IL1RAPL1: variants seen among roughly 807,000 people sequenced by gnomAD.
The protein encoded by IL1RAPL1 is interleukin 1 receptor accessory protein like 1, also known as interleukin-1 receptor accessory protein-like 1.
Under a neutral mutation model 48.4 loss-of-function variants are expected in IL1RAPL1, and 3 were observed. The ratio of observed to expected loss-of-function variants is 0.06; its 90% confidence interval spans 0.03 to 0.16. The LOEUF (loss-of-function observed/expected upper bound fraction) is 0.16. Among genes scored for constraint, IL1RAPL1 ranks in the 10% least tolerant of loss-of-function variants. The probability of loss-of-function intolerance (pLI) is 1.00; values close to 1 mark genes in which losing one functional copy is unlikely to be tolerated. For synonymous variants in IL1RAPL1, 185 were observed against 187.7 expected (o/e 0.99, Z 0.12); for missense variants, 349 against 530.6 (o/e 0.66, Z 3.36).
chrX:29,644,509 C>T (rs1366933429), intron 5 of IL1RAPL1, among the ~76,000 whole-genome samples: 5 of 111,041 alleles, frequency 4.5e-5, no homozygotes, highest in African/African-American at 1.6e-4. Flanking sequence ...TCCAGGACTA[C>T]ATGGCTAATC....
Position 29,730,291 on chromosome X carries a change from G to T in IL1RAPL1, c.778+61787G>T, listed in dbSNP as rs1018184498. Among the ~76,000 whole-genome samples the T allele has an allele frequency of 2.7e-5, 3 of 112,209 alleles. No individual in the cohort carries two copies. In the Admixed American group the frequency reaches 2.8e-4, roughly 11 times the overall value. On this transcript the variant is annotated intron_variant, in intron 6 of 10. Transcript: ENST00000378993. ...TATTTAGCCTTCCTCAGAGACATCTGGCATTTGTCTTCCATTTCCTTTCTG... is the reference window on the plus strand; with the variant it reads ...TATTTAGCCTTCCTCAGAGACATCTTGCATTTGTCTTCCATTTCCTTTCTG...
intron 2 of IL1RAPL1, among the ~76,000 whole-genome samples, chrX:29,237,532 T>G (rs1324081507): frequency 8.9e-6 from 1 of 112,703 alleles, no homozygotes; most frequent in Non-Finnish European, 1.9e-5. Flanking sequence ...GTAGTTTTTA[T>G]TAATGTATAT....
chrX:29,950,255 A>T (rs186173762), intron 9 of IL1RAPL1, among the ~76,000 whole-genome samples: 6 of 112,627 alleles, frequency 5.3e-5, no homozygotes, highest in African/African-American at 1.6e-4. Context: ...TGGTTATTTC[A>T]TATATTAGTC....
intron 2 of IL1RAPL1, among the ~76,000 whole-genome samples, chrX:28,897,873 C>G (rs1479211880): frequency 1.8e-5 from 2 of 111,086 alleles, no homozygotes; most frequent in Admixed American, 1.9e-4. Flanking sequence ...AGGAAAATTA[C>G]AGTCAAAGGG....
chrX:29,132,857 G>C (rs753491299), intron 2 of IL1RAPL1, among the ~76,000 whole-genome samples: 1 of 110,623 alleles, frequency 9.0e-6, no homozygotes, highest in Non-Finnish European at 1.9e-5. Flanking sequence ...GCATTTACTC[G>C]TTGGCTTTTT....
At chrX:29,832,838 A>T (rs1930912963) in intron 6 of IL1RAPL1, among the ~76,000 whole-genome samples, 1 of 109,828 alleles carries the variant, frequency 9.1e-6, no homozygotes, top group African/African-American at 3.3e-5. Context: ...CCTGTAATAA[A>T]TATCTGTTGG....
chrX:29,871,019 T>C (rs1370626484), intron 6 of IL1RAPL1, among the ~76,000 whole-genome samples: 2 of 112,521 alleles, frequency 1.8e-5, no homozygotes, highest in African/African-American at 6.5e-5. Flanking sequence ...TCAACAGGGC[T>C]GAATTCCTTT....
At chrX:29,232,483 T>TA (rs1931219417) in intron 2 of IL1RAPL1, among the ~76,000 whole-genome samples, 3 of 112,430 alleles carry the variant, frequency 2.7e-5, no homozygotes, top group Non-Finnish European at 3.8e-5. Flanking sequence ...CTATTTTTTA[T>TA]ATACTCTGGA....
At chrX:29,852,650 C>A (rs1931393704) in intron 6 of IL1RAPL1, among the ~76,000 whole-genome samples, 1 of 111,939 alleles carries the variant, frequency 8.9e-6, no homozygotes, top group Admixed American at 9.5e-5. Context: ...AACTCATCAG[C>A]AACTATCTAT....
At chrX:29,471,955 T>C (rs1244807152) in intron 5 of IL1RAPL1, among the ~76,000 whole-genome samples, 3 of 111,594 alleles carry the variant, frequency 2.7e-5, no homozygotes, top group Non-Finnish European at 5.6e-5. Flanking sequence ...TGATGGAAAT[T>C]TACAATTGCT....
At chrX:28,981,131 A>G (rs1245817878) in intron 2 of IL1RAPL1, among the ~76,000 whole-genome samples, 2 of 91,491 alleles carry the variant, frequency 2.2e-5, no homozygotes, top group African/African-American at 8.2e-5. Flanking sequence ...AAAAAAAAGG[A>G]AAGAAAGAAA....
At chrX:29,633,712 C>T (rs1924871022) in intron 5 of IL1RAPL1, among the ~76,000 whole-genome samples, 1 of 111,154 alleles carries the variant, frequency 9.0e-6, no homozygotes, top group South Asian at 3.8e-4. Flanking sequence ...TGCCTGTATT[C>T]CTAGCGTCTA....
At chrX:29,393,372 C>T (rs1207291525) in intron 3 of IL1RAPL1, among the ~76,000 whole-genome samples, 10 of 111,971 alleles carry the variant, frequency 8.9e-5, no homozygotes, top group Admixed American at 2.8e-4. Flanking sequence ...CCGCCCGCCT[C>T]GGCCTCCCAA....
chrX:28,815,285 G>A (rs974164489), intron 2 of IL1RAPL1, among the ~76,000 whole-genome samples: 5 of 110,105 alleles, frequency 4.5e-5, no homozygotes, highest in African/African-American at 6.6e-5. Flanking sequence ...CACTTCTGAA[G>A]TATAATTTCA....
intron 2 of IL1RAPL1, among the ~76,000 whole-genome samples, chrX:28,955,097 T>A (rs1924568615): frequency 8.9e-6 from 1 of 111,950 alleles, no homozygotes; most frequent in Non-Finnish European, 1.9e-5. Context: ...TTAGACTATT[T>A]TGATTGGGGC....
intron 6 of IL1RAPL1, among the ~76,000 whole-genome samples, chrX:29,712,705 C>T (rs1398230433): frequency 9.0e-6 from 1 of 111,709 alleles, no homozygotes; most frequent in African/African-American, 3.2e-5. Context: ...CTTGTGGAGT[C>T]TACATTGGTG....
chrX:29,886,124 C>T (rs1040241419), intron 6 of IL1RAPL1, among the ~76,000 whole-genome samples: 1 of 111,839 alleles, frequency 8.9e-6, no homozygotes, highest in African/African-American at 3.2e-5. Flanking sequence ...AAAGCAATTG[C>T]ATCCTCATGA....
At chrX:29,217,812 CACACACTT>C (rs1569262378) in intron 2 of IL1RAPL1, among the ~76,000 whole-genome samples, 2 of 108,986 alleles carry the variant, frequency 1.8e-5, no homozygotes, top group African/African-American at 6.7e-5. Flanking sequence ...CACACACACA[CACACACTT>C]ACTTGTATTA....
chrX:29,705,216 TTTTG>T (rs753345382), intron 6 of IL1RAPL1, among the ~76,000 whole-genome samples: 7 of 111,988 alleles, frequency 6.3e-5, no homozygotes, highest in Non-Finnish European at 1.1e-4. Context: ...TTACTTCTTT[TTTTG>T]TTTGTTTGTT....
Sources: allele counts gnomAD v4.1 joint callset (sites outside exome capture counted in the v4.1 genomes callset), GRCh38; gene constraint gnomAD v4.1.1; transcripts MANE v1.5; gene names NCBI Gene and HGNC (gene_info 2026-07-23, HGNC 2026-07-21).